Variants in OLA1 observed in about 807,000 individuals in gnomAD.
OLA1 encodes the protein obg-like ATPase 1.
Under a neutral mutation model 48.4 loss-of-function variants are expected in OLA1, and 14 were observed. The observed-to-expected ratio is 0.29, with a 90% CI of 0.19 to 0.45. The LOEUF is 0.45. Among genes scored for constraint, OLA1 ranks in the 20% least tolerant of loss-of-function variants. The probability of loss-of-function intolerance (pLI) is 1.00; values close to 1 mark genes in which losing one functional copy is unlikely to be tolerated. For synonymous variants in OLA1, 127 were observed against 150.4 expected (o/e 0.84, Z 1.14); for missense variants, 325 against 467.1 (o/e 0.70, Z 2.80).
chr2:174,083,449 T>C (rs1459996874), intron 7 of OLA1, among the ~76,000 whole-genome samples: 1 of 152,104 alleles, frequency 6.6e-6, no homozygotes, highest in African/African-American at 2.4e-5. Flanking sequence ...AGTATGTTAT[T>C]TGTGGTTTTC....
intron 7 of OLA1, among the ~76,000 whole-genome samples, chr2:174,087,315 TG>T (rs1685005067): frequency 6.6e-6 from 1 of 152,062 alleles, no homozygotes; most frequent in Non-Finnish European, 1.5e-5. Flanking sequence ...CGTGAGCCAC[TG>T]CACTCGGCCC....
chr2:174,174,852 ACTAT>A (rs1046868017), intron 4 of OLA1, among the ~76,000 whole-genome samples: 2 of 152,040 alleles, frequency 1.3e-5, no homozygotes, highest in Non-Finnish European at 2.9e-5. Context: ...GAAGACCTAC[ACTAT>A]CTAATTTTAA....
At chr2:174,076,767 ATATATT>A (rs1684747479) in intron 10 of OLA1, among the ~76,000 whole-genome samples, 1 of 150,030 alleles carries the variant, frequency 6.7e-6, no homozygotes, top group South Asian at 2.1e-4. Flanking sequence ...GTGTATACAT[ATATATT>A]TATATTTATA....
chr2:174,075,460 T>C lies in OLA1; in HGVS notation c.1157A>G (p.Lys386Arg), dbSNP rs1426505227. The C allele has an allele frequency of 6.2e-7, 1 of 1,608,782 alleles. No homozygotes were observed. Among genetic ancestry groups the C allele is most frequent in the South Asian group, 1.1e-5 (1 of 90,918 alleles). ...CTTCGGTTGTTGAGGTGTGTTAAAT[T>C]TGAAGAAGATAATATCTCCATCTTC... ...IVEDGDIIFFKFNTPQQPKKK is the reference protein window; with the variant it reads ...IVEDGDIIFFRFNTPQQPKKK Residue 386 changes from lysine to arginine, a missense_variant, in exon 11 of 11, where the codon AAA becomes AGA. Coordinates refer to ENST00000284719, the MANE Select transcript of OLA1 (RefSeq NM_013341.5).
At chr2:174,103,513 C>T (rs975394960) in intron 7 of OLA1, among the ~76,000 whole-genome samples, 1 of 152,098 alleles carries the variant, frequency 6.6e-6, no homozygotes, top group African/African-American at 2.4e-5. Flanking sequence ...CTAACCCTGG[C>T]ATACACAGCC....
intron 3 of OLA1, among the ~76,000 whole-genome samples, chr2:174,225,544 C>T (rs1043308083): frequency 6.6e-6 from 1 of 151,852 alleles, no homozygotes. Flanking sequence ...GGCGAAACTC[C>T]CTCTCAAAAA....
At chr2:174,117,668 C>T (rs1161981372) in intron 7 of OLA1, among the ~76,000 whole-genome samples, 1 of 152,124 alleles carries the variant, frequency 6.6e-6, no homozygotes. Flanking sequence ...TAATGCTCTT[C>T]CTCCTATCCC....
At chr2:174,094,510 C>T (rs1042453818) in intron 7 of OLA1, among the ~76,000 whole-genome samples, 2 of 152,146 alleles carry the variant, frequency 1.3e-5, no homozygotes, top group Admixed American at 6.5e-5. Context: ...CAGGGCTTAA[C>T]CTCCCCTCTT....
rs140011371 is a variant in OLA1 at position 174,146,018 on chromosome 2, G to A, written c.374-4018C>T. Among the ~76,000 whole-genome samples, 241 of 152,304 alleles carry A rather than the reference G, an allele frequency of 1.6e-3. 1 individual carries two copies. The highest frequency in any genetic ancestry group is 5.6e-3 in the African/African-American group (233 of 41,564). ...CTCTGAGATGACATCTGAGCCAAAC[G>A]GCCAGAGGGAGGCAGTAATGTGAGG... On this transcript the variant is annotated intron_variant, in intron 4 of 10. Transcript: ENST00000284719.
rs567152760 is a variant in OLA1 at position 174,172,196 on chromosome 2, T to C, written c.374-30196A>G. The C allele has an allele frequency of 2.8e-5, 6 of 217,500 alleles. No homozygotes were observed. In the East Asian group the frequency reaches 5.6e-4, roughly 20 times the overall value. 13.5% of individuals were successfully genotyped at this position (217,500 alleles called of 1,614,324 possible). A position where few individuals can be genotyped will look rare whatever the true frequency, so the allele number is the denominator to read the frequency against. On this transcript the variant is annotated intron_variant, in intron 4 of 10. Transcript: ENST00000284719. Reference sequence around the variant, plus strand: ...CGTTTGATGTTGAAGGAGAAAAGAATGTGGAGGCAGCCAGTACTGCAGGCC... The same window carrying C: ...CGTTTGATGTTGAAGGAGAAAAGAACGTGGAGGCAGCCAGTACTGCAGGCC...
intron 2 of OLA1, among the ~76,000 whole-genome samples, chr2:174,243,541 G>A (rs977762857): frequency 6.6e-6 from 1 of 152,020 alleles, no homozygotes; most frequent in Non-Finnish European, 1.5e-5. Context: ...TAACACCATC[G>A]TGTCCCGTTA....
At position 174,125,451 on chromosome 2, in the gene OLA1, A is replaced by C. The variant is rs114444085; in HGVS notation, c.550-1776T>G. 8.0e-3 allele frequency among the ~76,000 whole-genome samples: 1,215 copies of C among 152,340 alleles called. 18 individuals are homozygous for C. The highest frequency in any genetic ancestry group is 0.028 in the African/African-American group (1,144 of 41,584). ...GACACGCAACAAGATTATACAAAAG[A>C]AAGAAAAAACAGTCGTACCATCTTA... On this transcript the variant is annotated intron_variant, in intron 5 of 10. Transcript: ENST00000284719.
intron 4 of OLA1, among the ~76,000 whole-genome samples, chr2:174,186,711 T>C (rs1318985882): frequency 6.6e-6 from 1 of 152,010 alleles, no homozygotes; most frequent in African/African-American, 2.4e-5. Flanking sequence ...TAAAAAATTA[T>C]CGAAAATGTT....
At chr2:174,137,767 C>T (rs1686346799) in intron 5 of OLA1, among the ~76,000 whole-genome samples, 1 of 152,228 alleles carries the variant, frequency 6.6e-6, no homozygotes, top group Non-Finnish European at 1.5e-5. Context: ...TCTCAGTTTT[C>T]TAACTCTAGA....
At chr2:174,224,704 A>C (rs571126901) in intron 3 of OLA1, among the ~76,000 whole-genome samples, 1 of 152,252 alleles carries the variant, frequency 6.6e-6, no homozygotes, top group African/African-American at 2.4e-5. Flanking sequence ...CTTCTGGGAG[A>C]ACTTCTAGAA....
chr2:174,094,919 C>A (rs1331008126), intron 7 of OLA1, among the ~76,000 whole-genome samples: 1 of 152,140 alleles, frequency 6.6e-6, no homozygotes, highest in Non-Finnish European at 1.5e-5. Context: ...TTGTGACTGG[C>A]TTATTTCAGT....
chr2:174,242,685 C>A (rs141191623), intron 2 of OLA1, among the ~76,000 whole-genome samples: 1 of 152,124 alleles, frequency 6.6e-6, no homozygotes, highest in Admixed American at 6.5e-5. Context: ...CTTAATTGAA[C>A]CTAATCCCAT....
At chr2:174,225,886 C>A (rs1688606409) in intron 3 of OLA1, among the ~76,000 whole-genome samples, 1 of 152,226 alleles carries the variant, frequency 6.6e-6, no homozygotes, top group East Asian at 1.9e-4. Flanking sequence ...CTCTGAGATT[C>A]TATTTTCTAT....
rs548480106 is a variant in OLA1 at position 174,102,366 on chromosome 2, C to A, written c.729-20302G>T. Among the ~76,000 whole-genome samples the A allele has an allele frequency of 4.6e-5, 7 of 151,840 alleles. No individual in the cohort carries two copies. The South Asian group carries it at 1.3e-3, about 27-fold the overall frequency. ...AGTTAACAATTCCACAATTACTAAT[C>A]CCTAGGGAAGAGTCATGGCCGACAG... On this transcript the variant is annotated intron_variant, in intron 7 of 10. Transcript: ENST00000284719.
Sources: gnomAD v4.1 joint callset for allele counts (sites outside exome capture counted in the v4.1 genomes callset) on GRCh38, gnomAD v4.1.1 for gene constraint, MANE v1.5 for transcripts, NCBI Gene and HGNC (gene_info 2026-07-23, HGNC 2026-07-21) for gene names.